The following AIFM1 variants were observed in gnomAD, a reference collection of about 807,000 sequenced individuals.
AIFM1 encodes apoptosis inducing factor mitochondria associated 1.
In AIFM1, 3 loss-of-function variants were observed where a neutral mutation model predicts 51.7. The ratio of observed to expected loss-of-function variants is 0.06; its 90% CI spans 0.03 to 0.15. AIFM1 has a LOEUF of 0.15. Among genes scored for constraint, AIFM1 ranks in the 10% least tolerant of loss-of-function variants. The pLI, the probability that AIFM1 is intolerant of heterozygous loss-of-function variation, is 1.00. For synonymous variants in AIFM1, 178 were observed against 179.4 expected, an observed-to-expected ratio of 0.99 and a Z score of 0.06; for missense variants, 330 against 476.8, an observed-to-expected ratio of 0.69 and a Z score of 2.87.
At chrX:130,133,284 G>A (rs750185795) in intron 13 of AIFM1, 29 bp downstream of exon 13, 1 of 1,209,218 alleles carries the variant, frequency 8.3e-7, no homozygotes, top group Non-Finnish European at 1.1e-6. Flanking sequence ...GTTGTAATCA[G>A]TTGGGTCTCC....
At chrX:130,150,405 G>A (rs1283740217) in intron 2 of AIFM1, among the ~76,000 whole-genome samples, 1 of 87,880 alleles carries the variant, frequency 1.1e-5, no homozygotes, top group East Asian at 3.5e-4. Flanking sequence ...GCGGGATCTC[G>A]GCTCACTGCA....
intron 4 of AIFM1, 51 bp from the exon 5 acceptor site, chrX:130,147,674 C>A (rs749628208): frequency 1.4e-5 from 17 of 1,211,571 alleles, no homozygotes; most frequent in Admixed American, 4.3e-5. Flanking sequence ...ATTTAAGGGG[C>A]AAATGTCAAA....
chrX:130,144,384 T>G (rs2030681110), intron 6 of AIFM1, among the ~76,000 whole-genome samples: 1 of 111,921 alleles, frequency 8.9e-6, no homozygotes, highest in Non-Finnish European at 1.9e-5. Flanking sequence ...CGCAAAGCCC[T>G]CCACAATCAG....
Position 130,146,451 on chromosome X carries a change from A to ATATGTGTG in AIFM1, c.606-883_606-882insCACACATA, listed in dbSNP as rs1211366586. Reference sequence around the variant, plus strand: ...AGAGCCAGACCCTGTCTCTCAAAATATGTGTGTGTGTGTGTGTGTGTGTGT... The same window carrying ATATGTGTG: ...AGAGCCAGACCCTGTCTCTCAAAATATATGTGTGTGTGTGTGTGTGTGTGTGTGTGTGT... On this transcript the variant is annotated intron_variant, in intron 5 of 15. Transcript: ENST00000287295. Among the ~76,000 whole-genome samples the ATATGTGTG allele has an allele frequency of 1.1e-3, 101 of 89,445 alleles. 1 individual carries two copies. The highest frequency in any genetic ancestry group is 4.2e-3 in the African/African-American group (100 of 23,928). 77.7% of individuals were successfully genotyped at this position (89,445 alleles called of 115,157 possible).
chrX:130,139,476 C>A (rs969453503), intron 8 of AIFM1, among the ~76,000 whole-genome samples: 4 of 111,759 alleles, frequency 3.6e-5, no homozygotes, highest in Non-Finnish European at 7.5e-5. Context: ...ACAGCACTTG[C>A]AATGAAAAAT....
intron 12 of AIFM1, among the ~76,000 whole-genome samples, chrX:130,135,489 G>A (rs1448511454): frequency 9.7e-6 from 1 of 103,500 alleles, no homozygotes; most frequent in Non-Finnish European, 2.0e-5. Flanking sequence ...ATTCCTCCAA[G>A]GTACCTACGT....
chrX:130,161,239 G>A (rs897419133), intron 1 of AIFM1, among the ~76,000 whole-genome samples: 21 of 110,956 alleles, frequency 1.9e-4, no homozygotes, highest in Non-Finnish European at 3.0e-4. Flanking sequence ...ACAGCCAGGT[G>A]CGGTGGCTCA....
At chrX:130,145,708 A>C in intron 5 of AIFM1, 139 bp from the exon 6 acceptor site, 1 of 509,934 alleles carries the variant, frequency 2.0e-6, no homozygotes, top group Non-Finnish European at 3.4e-6. Flanking sequence ...CTATTAAATC[A>C]TGGTCATGAC....
intron 12 of AIFM1, among the ~76,000 whole-genome samples, chrX:130,134,220 G>A (rs2124649488): frequency 9.2e-6 from 1 of 108,216 alleles, no homozygotes; most frequent in East Asian, 2.9e-4. Flanking sequence ...CTGGGAAACA[G>A]AGCGAGACAC....
intron 14 of AIFM1, among the ~76,000 whole-genome samples, chrX:130,131,091 G>A (rs1389411884): frequency 1.8e-5 from 2 of 111,890 alleles, no homozygotes; most frequent in Non-Finnish European, 3.8e-5. Context: ...ATAAGGTCTC[G>A]GAGTTAATGA....
intron 13 of AIFM1, among the ~76,000 whole-genome samples, chrX:130,132,047 T>A (rs760257666): frequency 9.0e-6 from 1 of 111,456 alleles, no homozygotes; most frequent in East Asian, 2.8e-4. Context: ...AATTTTTGTA[T>A]TTTTAGTAGA....
intron 12 of AIFM1, among the ~76,000 whole-genome samples, chrX:130,135,839 C>T: frequency 9.0e-6 from 1 of 111,676 alleles, no homozygotes; most frequent in Middle Eastern, 4.7e-3. Flanking sequence ...GCACACTGTT[C>T]ATTTCATCTG....
intron 6 of AIFM1, among the ~76,000 whole-genome samples, chrX:130,141,846 C>T (rs979351275): frequency 4.5e-5 from 5 of 111,957 alleles, no homozygotes; most frequent in African/African-American, 1.6e-4. Context: ...CTTCAGCTTT[C>T]GCTCAGTCTG....
intron 2 of AIFM1, among the ~76,000 whole-genome samples, chrX:130,150,386 A>G (rs1277210452): frequency 1.4e-5 from 1 of 73,740 alleles, no homozygotes; most frequent in East Asian, 4.6e-4. Flanking sequence ...CCCAGGCTGG[A>G]GTGCAGTGGC....
chrX:130,135,758 T>G (rs1406160736), intron 12 of AIFM1, among the ~76,000 whole-genome samples: 1 of 112,027 alleles, frequency 8.9e-6, no homozygotes. Context: ...CTTATGTGCA[T>G]GCCCACCAGG....
rs769856084 is a variant in AIFM1, at chrX:130,138,248, C to A, written c.967+345G>T. On this transcript the variant is annotated intron_variant, in intron 9 of 15. Coordinates refer to ENST00000287295, the MANE Select transcript of AIFM1 (RefSeq NM_004208.4). ...TGGGAGGCCAAGGTGGGCGGATCAC[C>A]AGGTCAGGAGATCGAGACAGTCCTG... is the stretch of plus-strand genomic sequence containing the variant. 1.8e-3 allele frequency among the ~76,000 whole-genome samples: 195 copies of A among 110,810 alleles called. 1 individual carries two copies. Among genetic ancestry groups the A allele is most frequent in the African/African-American group, 6.0e-3 (183 of 30,544 alleles).
chrX:130,164,778 T>C (rs1332648330), intron 1 of AIFM1, among the ~76,000 whole-genome samples: 5 of 111,685 alleles, frequency 4.5e-5, no homozygotes, highest in Non-Finnish European at 7.5e-5. Flanking sequence ...TAGCAAACTA[T>C]CCTTAGCTCT....
chrX:130,137,307 C>A, intron 9 of AIFM1, 122 bp from the exon 10 acceptor site: 7 of 1,185,564 alleles, frequency 5.9e-6, no homozygotes, highest in Non-Finnish European at 7.9e-6. Context: ...GCAATCCAGG[C>A]CGAGCGCCCA....
chrX:130,132,176 C>A (rs1004425206), intron 13 of AIFM1, among the ~76,000 whole-genome samples: 1 of 111,961 alleles, frequency 8.9e-6, no homozygotes, highest in Admixed American at 9.5e-5. Flanking sequence ...CCGACCAACA[C>A]CGCACTCTTA....
Sources: gnomAD v4.1 joint callset for allele counts (sites outside exome capture counted in the v4.1 genomes callset) on GRCh38, gnomAD v4.1.1 for gene constraint, MANE v1.5 for transcripts, NCBI Gene and HGNC (gene_info 2026-07-23, HGNC 2026-07-21) for gene names.